BCAS1: variants seen among roughly 807,000 people sequenced by gnomAD.
BCAS1 encodes the protein breast carcinoma-amplified sequence 1.
BCAS1 carries 46 observed loss-of-function variants against 65.4 expected under a neutral mutation model. The ratio of observed to expected loss-of-function variants is 0.70; its 90% CI spans 0.55 to 0.90. The LOEUF (loss-of-function observed/expected upper bound fraction) is 0.90, where lower values mean the gene tolerates loss of function less well. Among genes scored for constraint, BCAS1 ranks in the 40% least tolerant of loss-of-function variants. The pLI is 0.00. For missense variants in BCAS1, 793 were observed against 771.2 expected (o/e 1.03, Z -0.33); for synonymous variants, 298 against 293.5 (o/e 1.02, Z -0.16).
rs77699208 is a variant in BCAS1 at position 54,029,466 on chromosome 20, G to A, written c.143-494C>T. Among the ~76,000 whole-genome samples, 457 of 152,212 alleles carry A rather than the reference G, an allele frequency of 3.0e-3. 3 individuals carry two copies. Among genetic ancestry groups the A allele is most frequent in the African/African-American group, 0.01 (435 of 41,524 alleles). On this transcript the variant is annotated intron_variant, in intron 3 of 12. Transcript: ENST00000688948. ...TCCTGGCCTCTGCCCACTAGACGCC[G>A]GTCACATTTCCCAGTCATGGCAACC...
In BCAS1 at chr20:53,953,498, A is replaced by G. The variant is rs539620158; in HGVS notation, c.1749T>C (p.Asn583=). 22 of 1,613,970 alleles carry G rather than the reference A, an allele frequency of 1.4e-5. No individual in the cohort carries two copies. Among genetic ancestry groups the G allele is most frequent in the African/African-American group, 1.3e-4 (10 of 74,962 alleles). ...QATVDTNSLQ[N]GDKLQKRPEK... ...CAGGTCTCTTTTGGAGCTTGTCCCC[A>G]TTCTGCAGTGAGTTCGTGTCCACCG... Residue 583 remains asparagine, a synonymous_variant, in exon 12 of 13, where the codon AAT becomes AAC. Coordinates refer to ENST00000688948, the MANE Select transcript of BCAS1 (RefSeq NM_001366298.2).
rs750971391 is a variant in BCAS1, at chr20:53,967,116, A to G, written c.1318-43T>C. The G allele has an allele frequency of 3.1e-6, 5 of 1,596,066 alleles. No individual in the cohort carries two copies. The South Asian group carries it at 4.6e-5, about 15-fold the overall frequency. On this transcript the variant is annotated intron_variant, in intron 9 of 12. Coordinates refer to ENST00000688948, the MANE Select transcript of BCAS1 (RefSeq NM_001366298.2). ...GTAATAAGAAAATGAAAAACAAAAC[A>G]TTCCCCCAAAACATGTTTTACAAAG...
intron 8 of BCAS1, among the ~76,000 whole-genome samples, chr20:53,982,397 TTTTTA>T (rs1490636503): frequency 6.6e-6 from 1 of 152,218 alleles, no homozygotes; most frequent in Non-Finnish European, 1.5e-5. Flanking sequence ...TAAAGGTATT[TTTTTA>T]TTTTATAATA....
intron 10 of BCAS1, among the ~76,000 whole-genome samples, chr20:53,963,565 G>T (rs953402581): frequency 6.6e-4 from 101 of 152,196 alleles, no homozygotes; most frequent in African/African-American, 2.4e-3. Context: ...CATAGGTTTT[G>T]CAGCTGAGTT....
chr20:53,981,812 A>G (rs1001343848), intron 8 of BCAS1, among the ~76,000 whole-genome samples: 7 of 116,318 alleles, frequency 6.0e-5, no homozygotes, highest in African/African-American at 2.4e-4. Flanking sequence ...TTACAAATAC[A>G]TGTGCGTGCG....
At position 53,985,135 on chromosome 20, in the gene BCAS1, T is replaced by C. The variant is rs78593285; in HGVS notation, c.1275+152A>G. 1,535 of 695,630 alleles carry C rather than the reference T, an allele frequency of 2.2e-3. 20 individuals carry two copies. In the East Asian group the frequency reaches 0.032, roughly 14 times the overall value. The allele number at this position is 695,630 out of a possible 1,614,324, so 43.1% of individuals were successfully genotyped here. A position where few individuals can be genotyped will look rare whatever the true frequency, so the allele number is the denominator to read the frequency against. On this transcript the variant is annotated intron_variant, in intron 8 of 12. Coordinates refer to ENST00000688948, the MANE Select transcript of BCAS1 (RefSeq NM_001366298.2). Reference sequence around the variant, plus strand: ...CGTTTCATTTTTCCTAGGAACACATTAGAAGGCTTCTACTCAATGGGAAGC... The same window carrying C: ...CGTTTCATTTTTCCTAGGAACACATCAGAAGGCTTCTACTCAATGGGAAGC...
At chr20:54,043,575 C>T (rs1241078137) in intron 3 of BCAS1, among the ~76,000 whole-genome samples, 2 of 152,164 alleles carry the variant, frequency 1.3e-5, no homozygotes, top group African/African-American at 2.4e-5. Flanking sequence ...GCCCTATAAA[C>T]AAGGACGCTT....
At chr20:54,059,154 G>T (rs1257559237) in intron 1 of BCAS1, among the ~76,000 whole-genome samples, 1 of 152,156 alleles carries the variant, frequency 6.6e-6, no homozygotes, top group African/African-American at 2.4e-5. Flanking sequence ...TTGACGTGGG[G>T]ATTATGAGGA....
intron 4 of BCAS1, among the ~76,000 whole-genome samples, chr20:54,022,285 T>TTGTG (rs11469328): frequency 2.0e-5 from 3 of 150,564 alleles, no homozygotes; most frequent in Non-Finnish European, 3.0e-5. Context: ...TAATTGATTG[T>TTGTG]TGTGTGTGTG....
At chr20:54,045,049 A>G (rs1568915842) in intron 3 of BCAS1, among the ~76,000 whole-genome samples, 2 of 151,804 alleles carry the variant, frequency 1.3e-5, no homozygotes, top group Non-Finnish European at 2.9e-5. Flanking sequence ...CATCTTTACA[A>G]AAAAACTAAA....
chr20:53,947,595 G>A (rs1329907259), intron 12 of BCAS1, among the ~76,000 whole-genome samples: 1 of 152,140 alleles, frequency 6.6e-6, no homozygotes, highest in Non-Finnish European at 1.5e-5. Flanking sequence ...CGAGGTTGAC[G>A]CCACTGTCGC....
At chr20:54,064,980 G>A (rs558331613) in intron 1 of BCAS1, among the ~76,000 whole-genome samples, 19 of 152,256 alleles carry the variant, frequency 1.2e-4, no homozygotes, top group African/African-American at 4.3e-4. Flanking sequence ...GGTACCGTGC[G>A]AAGGGGTAAA....
At chr20:53,987,222 A>C (rs16998695) in intron 7 of BCAS1, among the ~76,000 whole-genome samples, 12,184 of 152,322 alleles carry the variant, frequency 0.08, 1,595 homozygotes, top group African/African-American at 0.28. Context: ...TCTAAGTTCA[A>C]GTTAAGATAA....
At chr20:53,975,315 G>T in intron 9 of BCAS1, 74 bp downstream of exon 9, 1 of 1,373,110 alleles carries the variant, frequency 7.3e-7, no homozygotes, top group Non-Finnish European at 1.0e-6. Flanking sequence ...GGACCCCAGA[G>T]CTGAAAATGC....
At chr20:54,020,035 T>C (rs1473371752) in intron 4 of BCAS1, among the ~76,000 whole-genome samples, 1 of 152,246 alleles carries the variant, frequency 6.6e-6, no homozygotes, top group African/African-American at 2.4e-5. Flanking sequence ...GTTCTGTCCC[T>C]TTGGAGAACC....
chr20:54,067,438 T>C (rs1219565419), intron 1 of BCAS1, among the ~76,000 whole-genome samples: 1 of 152,340 alleles, frequency 6.6e-6, no homozygotes, highest in South Asian at 2.1e-4. Flanking sequence ...TGATAATCAC[T>C]GTAAGGATTT....
chr20:54,055,059 A>C (rs1232469271), intron 3 of BCAS1, among the ~76,000 whole-genome samples: 3 of 152,136 alleles, frequency 2.0e-5, no homozygotes, highest in African/African-American at 7.2e-5. Flanking sequence ...GAGATGGAGG[A>C]TGGAGAGAAG....
chr20:54,069,765 G>A lies in BCAS1; in HGVS notation c.-6+668C>T, dbSNP rs1173821774. 3.3e-5 allele frequency among the ~76,000 whole-genome samples: 5 copies of A among 152,348 alleles called. No homozygotes were observed. The South Asian group carries it at 6.2e-4, about 19-fold the overall frequency. ...GAAACTGAGGCCCAGAGGGCTGAGG[G>A]AACCTGCTCCAGGGCACCCAGCCAG... On this transcript the variant is annotated intron_variant, in intron 1 of 12. Transcript: ENST00000688948.
chr20:54,000,968 C>G (rs76550150), intron 4 of BCAS1, among the ~76,000 whole-genome samples: 1 of 152,160 alleles, frequency 6.6e-6, no homozygotes. Flanking sequence ...GATTTCTCTT[C>G]ACATCATGAG....
Sources: allele counts gnomAD v4.1 joint callset (sites outside exome capture counted in the v4.1 genomes callset), GRCh38; gene constraint gnomAD v4.1.1; transcripts MANE v1.5; gene names NCBI Gene and HGNC (gene_info 2026-07-23, HGNC 2026-07-21).